Variants in SNORC observed in about 807,000 individuals in gnomAD.
The protein encoded by SNORC is protein SNORC.
Under a neutral mutation model 9.7 loss-of-function variants are expected in SNORC, and 11 were observed. The observed-to-expected ratio is 1.14, with a 90% CI of 0.72 to 1.88. The LOEUF (loss-of-function observed/expected upper bound fraction) is 1.88, where lower values mean the gene tolerates loss of function less well. SNORC is among the 40% of genes most tolerant of loss of function. The pLI is 0.00. For synonymous variants in SNORC, 108 were observed against 88.7 expected, an observed-to-expected ratio of 1.22 and a Z score of -1.22; for missense variants, 197 against 173.1, an observed-to-expected ratio of 1.14 and a Z score of -0.77.
upstream of SNORC, among the ~76,000 whole-genome samples, chr2:232,868,504 A>T (rs1004951413): frequency 2.0e-5 from 3 of 152,118 alleles, no homozygotes; most frequent in African/African-American, 7.2e-5. Context: ...GAAATCAGTG[A>T]TCCCATCATC....
At chr2:232,875,570 C>T (rs920686520) in intron 1 of SNORC, 36 of 397,014 alleles carry the variant, frequency 9.1e-5, no homozygotes, top group African/African-American at 6.4e-4. Flanking sequence ...GGATACAGGG[C>T]GGGGGTTATC....
intron 1 of SNORC, among the ~76,000 whole-genome samples, chr2:232,873,722 A>G (rs145428348): frequency 6.6e-6 from 1 of 152,314 alleles, no homozygotes; most frequent in Admixed American, 6.5e-5. Context: ...AGCCCCCAGA[A>G]GCCTGAGGCA....
At chr2:232,870,324 C>G (rs1204195202) in exon 1 of SNORC, 2 of 1,553,250 alleles carry the variant, frequency 1.3e-6, no homozygotes, top group Admixed American at 3.9e-5. Context: ...CCCGCCGCTG[C>G]CCTCACTCCC....
At chr2:232,877,004 C>T (rs1261365810), downstream of SNORC, 18 of 985,558 alleles carry the variant, frequency 1.8e-5, no homozygotes, top group Non-Finnish European at 2.2e-5. Flanking sequence ...GGGCAGGGGC[C>T]GTCGGCTCTC....
At chr2:232,875,593 C>T (rs910084682) in intron 1 of SNORC, 3 of 432,006 alleles carry the variant, frequency 6.9e-6, no homozygotes, top group Non-Finnish European at 4.4e-6. Context: ...GCAGGCGTCT[C>T]AGCCTGTGCT....
At chr2:232,871,001 C>T (rs1691006770) in intron 1 of SNORC, among the ~76,000 whole-genome samples, 1 of 152,164 alleles carries the variant, frequency 6.6e-6, no homozygotes, top group African/African-American at 2.4e-5. Flanking sequence ...AGGCCTCTGG[C>T]AGGCTCCCAA....
upstream of SNORC, chr2:232,869,131 G>A (rs1176016167): frequency 3.3e-5 from 5 of 152,122 alleles, no homozygotes; most frequent in African/African-American, 1.2e-4. Context: ...ATATAAATAC[G>A]CATGCTAAAA....
At chr2:232,877,777 G>A (rs1366968655), downstream of SNORC, 1 of 152,234 alleles carries the variant, frequency 6.6e-6, no homozygotes, top group Non-Finnish European at 1.5e-5. Flanking sequence ...CAATGATTCT[G>A]CTTATAAAGG....
At position 232,876,137 on chromosome 2, in the gene SNORC, G is replaced by A; in HGVS notation, c.256+15G>A. On this transcript the variant is annotated intron_variant, in intron 2 of 2. Transcript: ENST00000331342. The surrounding 1 kb of genome is among the most constrained non-coding windows in gnomAD (Gnocchi z 6.8). ...CCAGGGCGGCGGTACGGGCGGGGCGGGGGAGGGAGGGGAGAGGGAGAAATT... is the reference window on the plus strand; with the variant it reads ...CCAGGGCGGCGGTACGGGCGGGGCGAGGGAGGGAGGGGAGAGGGAGAAATT... The A allele has an allele frequency of 2.7e-6, 4 of 1,485,762 alleles. No homozygotes were observed. The highest frequency in any genetic ancestry group is 1.8e-6 in the Non-Finnish European group (2 of 1,125,548). The allele number at this position is 1,485,762 out of a possible 1,614,324, so 92.0% of individuals were successfully genotyped here.
intron 1 of SNORC, 87 bp from the exon 2 acceptor site, chr2:232,875,853 C>G (rs1017036951): frequency 1.5e-6 from 2 of 1,371,012 alleles, no homozygotes; most frequent in Admixed American, 2.5e-5. Context: ...ACAGCGCTAC[C>G]GGCAACTTGC....
At chr2:232,876,673 G>T (rs575090526), downstream of SNORC, 8 of 1,003,904 alleles carry the variant, frequency 8.0e-6, no homozygotes, top group South Asian at 2.8e-4. The surrounding 1 kb of genome is among the most constrained non-coding windows in gnomAD (Gnocchi z 6.8). Flanking sequence ...ACCACGGCTG[G>T]AGTGCCTCAG....
intron 1 of SNORC, among the ~76,000 whole-genome samples, chr2:232,874,630 TG>T (rs1559181746): frequency 6.6e-6 from 1 of 152,260 alleles, no homozygotes; most frequent in Non-Finnish European, 1.5e-5. Flanking sequence ...GAAGGACCTC[TG>T]TGTCTTCTCG....
At chr2:232,869,479 T>G (rs974032223), upstream of SNORC, among the ~76,000 whole-genome samples, 1 of 152,136 alleles carries the variant, frequency 6.6e-6, no homozygotes, top group East Asian at 1.9e-4. Context: ...ATTGTGTGGC[T>G]AGAACATCTG....
In SNORC at chr2:232,876,348, G is replaced by T; in HGVS notation, c.358G>T (p.Ala120Ser). Residue 120 changes from alanine (A) to serine (S), a missense_variant, in exon 3 of 3, where the codon GCC becomes TCC. Physicochemically the swap from Ala to Ser is moderately conservative, Grantham distance 99. Coordinates refer to ENST00000331342, the Ensembl canonical transcript of SNORC. This position sits in a 1 kb window ranked among gnomAD's most constrained non-coding sequence, Gnocchi z 6.8. ...GGTCGTCGCGCTGAGAAAGTTTTCT[G>T]CCTCCTGAAGCGAATAAAGGGGCCG... The T allele has an allele frequency of 6.5e-7, 1 of 1,538,462 alleles. No homozygotes were observed. Among genetic ancestry groups the T allele is most frequent in the Non-Finnish European group, 8.7e-7 (1 of 1,146,242 alleles).
At chr2:232,877,025 G>C (rs956186287), downstream of SNORC, 37 of 985,466 alleles carry the variant, frequency 3.8e-5, 1 homozygote, top group Non-Finnish European at 1.3e-5. Context: ...CCAGCCAGAG[G>C]CCGCGTGGTT....
chr2:232,869,316 T>G (rs1690938510), upstream of SNORC, among the ~76,000 whole-genome samples: 1 of 152,076 alleles, frequency 6.6e-6, no homozygotes. Flanking sequence ...GCCAGTGGAC[T>G]GAAACATAGA....
upstream of SNORC, among the ~76,000 whole-genome samples, chr2:232,868,524 C>T (rs1179231105): frequency 6.6e-6 from 1 of 152,182 alleles, no homozygotes; most frequent in Non-Finnish European, 1.5e-5. Context: ...CAACTCTGGC[C>T]TACAAAAAAC....
downstream of SNORC, chr2:232,876,911 G>T: frequency 1.0e-6 from 1 of 985,434 alleles, no homozygotes; most frequent in South Asian, 4.7e-5. The surrounding 1 kb of genome is among the most constrained non-coding windows in gnomAD (Gnocchi z 6.8). Context: ...GGTTCAGAGC[G>T]TTCCGTGAGG....
chr2:232,877,297 CG>C (rs375912987), downstream of SNORC: 1 of 985,438 alleles, frequency 1.0e-6, no homozygotes, highest in African/African-American at 1.7e-5. Flanking sequence ...CTCAGAGAGT[CG>C]GGGCGGAGTG....
Sources: allele counts gnomAD v4.1 joint callset (sites outside exome capture counted in the v4.1 genomes callset), GRCh38; gene constraint gnomAD v4.1.1; non-coding constraint Gnocchi (gnomAD v3.1); transcripts MANE v1.5; gene names NCBI Gene and HGNC (gene_info 2026-07-23, HGNC 2026-07-21).